Variants in HDAC9 observed in about 807,000 individuals in gnomAD.
HDAC9 encodes MEF-2 interacting transcription repressor (MITR) protein.
Under a neutral mutation model 139.4 loss-of-function variants are expected in HDAC9, and 41 were observed. The observed-to-expected ratio is 0.29, with a 90% CI of 0.23 to 0.38. HDAC9 has a LOEUF of 0.38. Ranked by LOEUF, HDAC9 falls within the 10% of genes least tolerant of loss-of-function variation. The pLI is 1.00. For missense variants in HDAC9, 1,147 were observed against 1,297.0 expected (o/e 0.88, Z 1.78); for synonymous variants, 517 against 476.2 (o/e 1.09, Z -1.12).
chr7:18,929,907 C>G (rs1010864481), intron 22 of HDAC9, among the ~76,000 whole-genome samples: 4 of 151,754 alleles, frequency 2.6e-5, no homozygotes, highest in South Asian at 2.1e-4. Flanking sequence ...CCACTGCACT[C>G]TAGCCCAGGT....
At chr7:18,259,157 A>G (rs1222724539) in intron 2 of HDAC9, among the ~76,000 whole-genome samples, 2 of 151,496 alleles carry the variant, frequency 1.3e-5, no homozygotes, top group Non-Finnish European at 2.9e-5. Context: ...TTTAGTAGAG[A>G]TGGGGTTTCA....
At chr7:18,773,550 C>G (rs1434661952) in intron 16 of HDAC9, among the ~76,000 whole-genome samples, 1 of 151,934 alleles carries the variant, frequency 6.6e-6, no homozygotes. Flanking sequence ...AAATTTCTAT[C>G]TAACTTAGAA....
intron 1 of HDAC9, among the ~76,000 whole-genome samples, chr7:18,465,945 A>G (rs2128114722): frequency 6.6e-6 from 1 of 152,276 alleles, no homozygotes; most frequent in East Asian, 1.9e-4. Context: ...AAACAACACA[A>G]TTTATTATTT....
At chr7:18,609,497 T>C (rs1022284429) in intron 6 of HDAC9, among the ~76,000 whole-genome samples, 3 of 152,194 alleles carry the variant, frequency 2.0e-5, no homozygotes, top group Non-Finnish European at 4.4e-5. Flanking sequence ...CAGAGTTCAC[T>C]AATCAGTCAC....
At chr7:18,384,669 G>A (rs1785749861) in intron 1 of HDAC9, among the ~76,000 whole-genome samples, 2 of 152,070 alleles carry the variant, frequency 1.3e-5, no homozygotes, top group South Asian at 4.1e-4. Flanking sequence ...GAAAGCAGCA[G>A]GGTTGTGACT....
intron 1 of HDAC9, among the ~76,000 whole-genome samples, chr7:18,291,404 C>T (rs1797800055): frequency 6.6e-6 from 1 of 152,030 alleles, no homozygotes; most frequent in Non-Finnish European, 1.5e-5. Flanking sequence ...TTCTGTGTCT[C>T]AGTTTCCTCA....
At chr7:18,494,694 A>G (rs1055876989), upstream of HDAC9, among the ~76,000 whole-genome samples, 5 of 152,070 alleles carry the variant, frequency 3.3e-5, no homozygotes, top group African/African-American at 1.2e-4. Context: ...CTGGTAATCT[A>G]TTGACTATCA....
intron 22 of HDAC9, among the ~76,000 whole-genome samples, chr7:18,876,227 T>C (rs1799311619): frequency 6.6e-6 from 1 of 152,186 alleles, no homozygotes; most frequent in South Asian, 2.1e-4. Flanking sequence ...CTTCAATATA[T>C]TCTTTACCCA....
At position 18,718,346 on chromosome 7, in the gene HDAC9, C is replaced by T. The variant is rs137989238; in HGVS notation, c.1732-9234C>T. 5.5e-3 allele frequency among the ~76,000 whole-genome samples: 840 copies of T among 152,276 alleles called. 8 individuals are homozygous for T. Among genetic ancestry groups the T allele is most frequent in the African/African-American group, 0.019 (791 of 41,540 alleles). ...TTCCAGGTTCAAGCAATTCTCCTGC[C>T]TCGGCCTCCCAAGTAACTGGGATTA... On this transcript the variant is annotated intron_variant, in intron 12 of 25. Coordinates refer to ENST00000686413, the MANE Select transcript of HDAC9 (RefSeq NM_178425.4).
chr7:18,985,289 A>G (rs372757107), intron 25 of HDAC9, among the ~76,000 whole-genome samples: 1 of 151,834 alleles, frequency 6.6e-6, no homozygotes, highest in Non-Finnish European at 1.5e-5. Context: ...CTCATTGTTC[A>G]ATTCCCACCT....
chr7:18,583,590 A>G (rs914061834), intron 2 of HDAC9, among the ~76,000 whole-genome samples: 6 of 151,742 alleles, frequency 4.0e-5, no homozygotes, highest in Non-Finnish European at 5.9e-5. Flanking sequence ...AAAAAAAAAA[A>G]AAAGAAAGAA....
chr7:18,987,644 A>G (rs1785479159), intron 25 of HDAC9, among the ~76,000 whole-genome samples: 1 of 152,152 alleles, frequency 6.6e-6, no homozygotes, highest in African/African-American at 2.4e-5. Context: ...AAGGAATGGT[A>G]CCAGTTCCTC....
At chr7:18,261,123 C>T (rs749832370) in intron 2 of HDAC9, among the ~76,000 whole-genome samples, 15 of 149,412 alleles carry the variant, frequency 1.0e-4, no homozygotes, top group African/African-American at 1.5e-4. Context: ...GGCAACATAA[C>T]GAAACCATGT....
intron 1 of HDAC9, among the ~76,000 whole-genome samples, chr7:18,443,940 G>A (rs899884059): frequency 7.1e-6 from 1 of 140,708 alleles, no homozygotes; most frequent in East Asian, 2.0e-4. Flanking sequence ...GTATATATAT[G>A]TATGTATGTA....
At chr7:18,752,401 A>G (rs1788529880) in intron 14 of HDAC9, among the ~76,000 whole-genome samples, 1 of 152,114 alleles carries the variant, frequency 6.6e-6, no homozygotes, top group African/African-American at 2.4e-5. Context: ...GTCCCAGCTC[A>G]GGTGTGAGTA....
At chr7:18,709,753 C>G (rs1464856922) in intron 12 of HDAC9, among the ~76,000 whole-genome samples, 1 of 152,152 alleles carries the variant, frequency 6.6e-6, no homozygotes, top group Non-Finnish European at 1.5e-5. Context: ...CTTTCTTGCC[C>G]TGTGTTGTCC....
intron 1 of HDAC9, among the ~76,000 whole-genome samples, chr7:18,382,182 AG>A (rs1785504709): frequency 6.6e-6 from 1 of 152,184 alleles, no homozygotes; most frequent in Non-Finnish European, 1.5e-5. Context: ...TTAAAAAAAA[AG>A]ATAAGACAAA....
At chr7:18,886,401 C>T (rs1426120203) in intron 22 of HDAC9, among the ~76,000 whole-genome samples, 1 of 152,154 alleles carries the variant, frequency 6.6e-6, no homozygotes, top group East Asian at 1.9e-4. Context: ...GAGTTTGCCC[C>T]AGAGGAAGAT....
intron 7 of HDAC9, among the ~76,000 whole-genome samples, chr7:18,630,409 A>G (rs1322870764): frequency 1.3e-5 from 2 of 152,046 alleles, no homozygotes; most frequent in Non-Finnish European, 2.9e-5. Context: ...TATTTTCTGT[A>G]TAACTCTTTT....
Sources: gnomAD v4.1 joint callset for allele counts (sites outside exome capture counted in the v4.1 genomes callset) on GRCh38, gnomAD v4.1.1 for gene constraint, MANE v1.5 for transcripts, NCBI Gene and HGNC (gene_info 2026-07-23, HGNC 2026-07-21) for gene names.